The following CNTNAP5 variants were observed in gnomAD, a reference collection of about 807,000 sequenced individuals.
The protein encoded by CNTNAP5 is contactin associated protein family member 5.
In CNTNAP5, 72 loss-of-function variants were observed where a neutral mutation model predicts 150.2. The observed-to-expected ratio is 0.48, with a 90% CI of 0.40 to 0.58. The LOEUF is 0.58. CNTNAP5 is among the 20% of genes least tolerant of loss of function. The probability of loss-of-function intolerance (pLI) is 0.00; values close to 1 mark genes in which losing one functional copy is unlikely to be tolerated. For missense variants in CNTNAP5, 1,636 were observed against 1,626.2 expected, an observed-to-expected ratio of 1.01 and a Z score of -0.10; for synonymous variants, 672 against 619.8, an observed-to-expected ratio of 1.08 and a Z score of -1.25.
intron 13 of CNTNAP5, among the ~76,000 whole-genome samples, chr2:124,725,072 G>T (rs1375612606): frequency 1.3e-5 from 2 of 151,596 alleles, no homozygotes; most frequent in Admixed American, 1.3e-4. Context: ...TCTGTACAGG[G>T]TCTCACATAC....
rs553058260 is a variant in CNTNAP5 at position 124,682,822 on chromosome 2, G to A, written c.2077+34864G>A. 3.3e-4 allele frequency among the ~76,000 whole-genome samples: 51 copies of A among 152,246 alleles called. No homozygotes were observed. In the South Asian group the frequency reaches 7.1e-3, roughly 21 times the overall value. On this transcript the variant is annotated intron_variant, in intron 13 of 23. Transcript: ENST00000682447. ...GTGTTGGTGGGATTTTGAATGAATC[G>A]TGCCACCTTACCAGCTATGGAAAAG...
intron 1 of CNTNAP5, among the ~76,000 whole-genome samples, chr2:124,178,471 C>A (rs998693845): frequency 6.6e-6 from 1 of 152,180 alleles, no homozygotes; most frequent in Non-Finnish European, 1.5e-5. Context: ...GTCTAACCAA[C>A]CTGATCAAAA....
At chr2:124,769,861 C>T (rs1681153113) in intron 16 of CNTNAP5, among the ~76,000 whole-genome samples, 1 of 152,094 alleles carries the variant, frequency 6.6e-6, no homozygotes, top group African/African-American at 2.4e-5. Flanking sequence ...TACCTTACTT[C>T]CCTCATCTGT....
chr2:124,263,494 G>T (rs1687518674), intron 3 of CNTNAP5, among the ~76,000 whole-genome samples: 1 of 152,008 alleles, frequency 6.6e-6, no homozygotes, highest in African/African-American at 2.4e-5. Context: ...TTTTTGATGG[G>T]ATTGTTTTTT....
chr2:124,788,723 C>A (rs1434628752), intron 17 of CNTNAP5, among the ~76,000 whole-genome samples: 1 of 151,790 alleles, frequency 6.6e-6, no homozygotes, highest in African/African-American at 2.4e-5. Context: ...GCCTCAGCCT[C>A]CTGGGTTCAA....
chr2:124,165,271 G>A (rs1684785335), intron 1 of CNTNAP5, among the ~76,000 whole-genome samples: 1 of 152,124 alleles, frequency 6.6e-6, no homozygotes, highest in Non-Finnish European at 1.5e-5. Flanking sequence ...TGTGCAGTAG[G>A]TAAATCTCAG....
At chr2:124,748,827 G>A (rs554267528) in intron 14 of CNTNAP5, among the ~76,000 whole-genome samples, 4 of 152,280 alleles carry the variant, frequency 2.6e-5, no homozygotes, top group Non-Finnish European at 5.9e-5. Context: ...CAAGCTGGCC[G>A]AAGTTATAGG....
intron 11 of CNTNAP5, among the ~76,000 whole-genome samples, chr2:124,588,831 T>C (rs1696613559): frequency 6.6e-6 from 1 of 152,014 alleles, no homozygotes; most frequent in Non-Finnish European, 1.5e-5. Context: ...GTGGTGAAGC[T>C]CTAGGCAGGC....
intron 11 of CNTNAP5, among the ~76,000 whole-genome samples, chr2:124,600,039 A>C (rs1696947534): frequency 6.6e-6 from 1 of 152,088 alleles, no homozygotes; most frequent in Non-Finnish European, 1.5e-5. Context: ...ACGTGTGTGG[A>C]GTATTTGTTC....
chr2:124,712,813 T>C (rs59488708), intron 13 of CNTNAP5, among the ~76,000 whole-genome samples: 24,651 of 151,676 alleles, frequency 0.16, 2,269 homozygotes, highest in East Asian at 0.24. Context: ...AATAATGCAA[T>C]TGTAGCTCAC....
chr2:124,129,534 A>G (rs1683795566), intron 1 of CNTNAP5, among the ~76,000 whole-genome samples: 1 of 152,180 alleles, frequency 6.6e-6, no homozygotes, highest in African/African-American at 2.4e-5. Context: ...AAAAAACTAC[A>G]AGAAGACAAA....
At chr2:124,631,805 A>G (rs1677866603) in intron 12 of CNTNAP5, among the ~76,000 whole-genome samples, 1 of 152,230 alleles carries the variant, frequency 6.6e-6, no homozygotes, top group South Asian at 2.1e-4. Flanking sequence ...ATGGGAGAAC[A>G]TTTCTGCAAT....
At chr2:124,731,434 C>G (rs776058866) in intron 13 of CNTNAP5, among the ~76,000 whole-genome samples, 2 of 151,170 alleles carry the variant, frequency 1.3e-5, no homozygotes. Flanking sequence ...GTGATAAATT[C>G]TTGTCGAATC....
chr2:124,687,447 A>G (rs760398983), intron 13 of CNTNAP5, among the ~76,000 whole-genome samples: 10 of 151,888 alleles, frequency 6.6e-5, no homozygotes, highest in Admixed American at 1.3e-4. Flanking sequence ...TTTAAATATT[A>G]CCTGTTTTTT....
chr2:124,825,780 G>C (rs1227922903), intron 19 of CNTNAP5, among the ~76,000 whole-genome samples: 1 of 152,130 alleles, frequency 6.6e-6, no homozygotes, highest in Non-Finnish European at 1.5e-5. Flanking sequence ...ACTACACCAA[G>C]CATTCTTGGG....
At chr2:124,290,027 G>T (rs143330750) in intron 3 of CNTNAP5, among the ~76,000 whole-genome samples, 1 of 152,252 alleles carries the variant, frequency 6.6e-6, no homozygotes, top group African/African-American at 2.4e-5. Flanking sequence ...TATTCATTGG[G>T]TTTTGGGGAG....
intron 3 of CNTNAP5, among the ~76,000 whole-genome samples, chr2:124,271,697 CTATCATCTATCT>C (rs778529456): frequency 9.0e-4 from 116 of 128,842 alleles, no homozygotes; most frequent in Non-Finnish European, 1.4e-3. Flanking sequence ...ATCTATCTAT[CTATCATCTATCT>C]ATCTATCTAT....
At chr2:124,549,143 A>G (rs950319903) in intron 10 of CNTNAP5, among the ~76,000 whole-genome samples, 1 of 152,218 alleles carries the variant, frequency 6.6e-6, no homozygotes, top group African/African-American at 2.4e-5. Flanking sequence ...ATCTTGCAAC[A>G]TGTCAAAATC....
chr2:124,593,127 A>ATTTATTTATTTATTTAT (rs370794956), intron 11 of CNTNAP5, among the ~76,000 whole-genome samples: 1 of 146,346 alleles, frequency 6.8e-6, no homozygotes, highest in Non-Finnish European at 1.5e-5. Flanking sequence ...TTATTTATTT[A>ATTTATTTATTTATTTAT]TTATTATTAT....
Sources: gnomAD v4.1 joint callset for allele counts (sites outside exome capture counted in the v4.1 genomes callset) on GRCh38, gnomAD v4.1.1 for gene constraint, MANE v1.5 for transcripts, NCBI Gene and HGNC (gene_info 2026-07-23, HGNC 2026-07-21) for gene names.